Variants in OR52A5 observed in about 807,000 individuals in gnomAD.
OR52A5 encodes olfactory receptor family 52 subfamily A member 5.
A neutral mutation model predicts 18.2 loss-of-function variants in OR52A5; 16 were observed. The ratio of observed to expected loss-of-function variants is 0.88; its 90% CI spans 0.60 to 1.34. The LOEUF (loss-of-function observed/expected upper bound fraction) is 1.34. Ranked by LOEUF, OR52A5 falls within the 40% of genes most tolerant of loss-of-function variation. The pLI, the probability that OR52A5 is intolerant of heterozygous loss-of-function variation, is 0.00. For synonymous variants in OR52A5, 140 were observed against 137.2 expected, an observed-to-expected ratio of 1.02 and a Z score of -0.14; for missense variants, 418 against 383.0, an observed-to-expected ratio of 1.09 and a Z score of -0.76.
In OR52A5 at chr11:5,132,295, G is replaced by A. The variant is rs368509158; in HGVS notation, c.348C>T (p.Ile116=). ...AGCGATCCAGGGCCATTGCCAGAAGGATACCCGATTCAATTGCCTGGAATG... is the reference window on the plus strand; with the variant it reads ...AGCGATCCAGGGCCATTGCCAGAAGAATACCCGATTCAATTGCCTGGAATG... The part of the protein sequence containing the change: ...IHSFQAIESG[I]LLAMALDRYV... Residue 116 remains isoleucine, a synonymous_variant, in exon 2 of 2, where the codon ATC becomes ATT. Transcript: ENST00000307388. 2.5e-6 allele frequency: 4 copies of A among 1,614,020 alleles called. No homozygotes were observed. In the African/African-American group the frequency reaches 5.3e-5, roughly 22 times the overall value.
In OR52A5 at chr11:5,129,101, G is replaced by A. The variant is rs1430746827; in HGVS notation, c.*2591C>T. The A allele has an allele frequency of 6.6e-6, 1 of 152,272 alleles. No homozygotes were observed. Among genetic ancestry groups the A allele is most frequent in the Admixed American group, 6.6e-5 (1 of 15,264 alleles). 9.4% of individuals were successfully genotyped at this position (152,272 alleles called of 1,614,324 possible). A position where few individuals can be genotyped will look rare whatever the true frequency, so the allele number is the denominator to read the frequency against. On this transcript the variant is annotated 3_prime_UTR_variant, in exon 2 of 2. Coordinates refer to ENST00000307388, the MANE Select transcript of OR52A5 (RefSeq NM_001005160.3). Reference sequence around the variant, plus strand: ...AAAGACACTGACCTAGCTCCAGCTAGAGGATCATCAGCCACACAGCTATCC... The same window carrying A: ...AAAGACACTGACCTAGCTCCAGCTAAAGGATCATCAGCCACACAGCTATCC...
chr11:5,134,663 T>C (rs1377797933), intron 1 of OR52A5, among the ~76,000 whole-genome samples: 1 of 144,928 alleles, frequency 6.9e-6, no homozygotes, highest in South Asian at 2.1e-4. Flanking sequence ...TAAATATCAC[T>C]CAGTTAAAAT....
rs150178288 is a variant in OR52A5, at chr11:5,131,759, T to A, written c.884A>T (p.Tyr295Phe). 1 of 1,613,890 alleles carries A rather than the reference T, an allele frequency of 6.2e-7. No homozygotes were observed. The highest frequency in any genetic ancestry group is 8.5e-7 in the Non-Finnish European group (1 of 1,179,930). Residue 295 changes from tyrosine to phenylalanine, a missense_variant, in exon 2 of 2, where the codon TAT (tyrosine) becomes TTT (phenylalanine). Tyr to Phe is a conservative substitution (Grantham distance 22). Transcript: ENST00000307388. ...ACGAATTTGCTTGGTCTTCACTCCA[T>A]AGACAATAGGGTTGAGAAAAGGTGG... The part of the protein sequence containing the change: ...LVPPFLNPIV[Y>F]GVKTKQIRDH...
chr11:5,129,459 C>A lies in OR52A5; in HGVS notation c.*2233G>T, dbSNP rs1208984506. ...TTTAACTTAAGGCAATCCCTTCGAG[C>A]CCTCAAACAATTTATTCTTGGAATA... On this transcript the variant is annotated 3_prime_UTR_variant, in exon 2 of 2. Coordinates refer to ENST00000307388, the MANE Select transcript of OR52A5 (RefSeq NM_001005160.3). 6.6e-6 allele frequency: 1 copy of A among 152,012 alleles called. No individual in the cohort carries two copies. Among genetic ancestry groups the A allele is most frequent in the African/African-American group, 2.4e-5 (1 of 41,392 alleles). 9.4% of individuals were successfully genotyped at this position (152,012 alleles called of 1,614,324 possible).
In OR52A5 at chr11:5,132,527, A is replaced by G; in HGVS notation, c.116T>C (p.Ile39Thr). 1 of 1,613,988 alleles carries G rather than the reference A, an allele frequency of 6.2e-7. No individual in the cohort carries two copies. Among genetic ancestry groups the G allele is most frequent in the Non-Finnish European group, 8.5e-7 (1 of 1,179,860 alleles). ...AATTAGGGAATTTCCAATCACACCA[A>G]TAAGATACATGGCAGAGAAAGGAAT... ...IGIPFSAMYL[I>T]GVIGNSLILV... The change falls in exon 2 of 2, where the codon ATT becomes ACT. Residue 39 changes from isoleucine (I) to threonine (T), a missense_variant. Coordinates refer to ENST00000307388, the MANE Select transcript of OR52A5 (RefSeq NM_001005160.3).
At position 5,128,798 on chromosome 11, in the gene OR52A5, G is replaced by A. The variant is rs1333437701; in HGVS notation, c.*2894C>T. 1.3e-5 allele frequency: 2 copies of A among 152,046 alleles called. No homozygotes were observed. The highest frequency in any genetic ancestry group is 2.9e-5 in the Non-Finnish European group (2 of 67,984). The allele number at this position is 152,046 out of a possible 1,614,324, so 9.4% of individuals were successfully genotyped here. ...CATTGAAACAGAAAAGAGATTAGCA[G>A]TTGCTAAGACTGGAGATGGGGGGAG... is the stretch of plus-strand genomic sequence containing the variant. On this transcript the variant is annotated 3_prime_UTR_variant, in exon 2 of 2. Transcript: ENST00000307388.
chr11:5,134,664 C>A (rs1589861111), intron 1 of OR52A5, among the ~76,000 whole-genome samples: 1 of 151,434 alleles, frequency 6.6e-6, no homozygotes, highest in East Asian at 1.9e-4. Flanking sequence ...AAATATCACT[C>A]AGTTAAAATC....
In OR52A5 at chr11:5,130,572, C is replaced by T. The variant is rs1266589499; in HGVS notation, c.*1120G>A. Reference sequence around the variant, plus strand: ...ACTAACATGTTGTTTTATCTTTTGTCATGTATTTTTGATTCTTTCTAAATA... The same window carrying T: ...ACTAACATGTTGTTTTATCTTTTGTTATGTATTTTTGATTCTTTCTAAATA... On this transcript the variant is annotated 3_prime_UTR_variant, in exon 2 of 2. Coordinates refer to ENST00000307388, the MANE Select transcript of OR52A5 (RefSeq NM_001005160.3). 2 of 151,764 alleles carry T rather than the reference C, an allele frequency of 1.3e-5. No individual in the cohort carries two copies. The highest frequency in any genetic ancestry group is 6.6e-5 in the Admixed American group (1 of 15,242). The allele number at this position is 151,764 out of a possible 1,614,324, so 9.4% of individuals were successfully genotyped here. A position where few individuals can be genotyped will look rare whatever the true frequency, so the allele number is the denominator to read the frequency against.
chr11:5,137,215 TA>T (rs893583798), intron 1 of OR52A5, among the ~76,000 whole-genome samples: 47 of 152,302 alleles, frequency 3.1e-4, no homozygotes, highest in African/African-American at 1.1e-3. Context: ...TGCATATGTT[TA>T]AAGGAAGAAG....
chr11:5,137,291 A>G (rs775875626), intron 1 of OR52A5, among the ~76,000 whole-genome samples: 3 of 152,240 alleles, frequency 2.0e-5, no homozygotes, highest in Non-Finnish European at 4.4e-5. Flanking sequence ...TACATCTTGC[A>G]TGTGTGAATA....
Position 5,131,467 on chromosome 11 carries a change from A to T in OR52A5, c.*225T>A. 3.3e-6 allele frequency: 1 copy of T among 305,048 alleles called. No homozygotes were observed. Among genetic ancestry groups the T allele is most frequent in the Non-Finnish European group, 6.1e-6 (1 of 164,418 alleles). 18.9% of individuals were successfully genotyped at this position (305,048 alleles called of 1,614,324 possible). The stretch of plus-strand genomic sequence containing the variant: ...TAGATATCGGTATTACTGATTTCAT[A>T]TTATTTTTATATTGATAAGTATTTC... On this transcript the variant is annotated 3_prime_UTR_variant, in exon 2 of 2. Coordinates refer to ENST00000307388, the MANE Select transcript of OR52A5 (RefSeq NM_001005160.3).
chr11:5,136,443 T>A (rs1846393060), intron 1 of OR52A5, among the ~76,000 whole-genome samples: 1 of 152,208 alleles, frequency 6.6e-6, no homozygotes, highest in African/African-American at 2.4e-5. Context: ...CTCTGGCTCC[T>A]ATCCATTGAA....
intron 1 of OR52A5, among the ~76,000 whole-genome samples, chr11:5,137,464 T>C (rs1846402124): frequency 6.6e-6 from 1 of 152,070 alleles, no homozygotes; most frequent in South Asian, 2.1e-4. Context: ...AAAGTTACCA[T>C]TTGATCTCTG....
At chr11:5,137,757 A>G (rs1409221553) in intron 1 of OR52A5, among the ~76,000 whole-genome samples, 1 of 152,232 alleles carries the variant, frequency 6.6e-6, no homozygotes, top group African/African-American at 2.4e-5. Flanking sequence ...CCCTTGAGCC[A>G]GTTGTGAAAT....
At position 5,131,950 on chromosome 11, in the gene OR52A5, C is replaced by A. The variant is rs777854699; in HGVS notation, c.693G>T (p.Leu231=). ...CCTTGAATCGTGCCTCCTTCTGGGG[C>A]AGCTGAAAGACAGTGATAAAAATTT... The part of the protein sequence containing the change: ...YVQIFITVFQ[L]PQKEARFKAF... Residue 231 remains leucine (L), a synonymous_variant, in exon 2 of 2, where the codon CTG becomes CTT. Coordinates refer to ENST00000307388, the MANE Select transcript of OR52A5 (RefSeq NM_001005160.3). 3 of 1,614,158 alleles carry A rather than the reference C, an allele frequency of 1.9e-6. No homozygotes were observed. The highest frequency in any genetic ancestry group is 2.2e-5 in the East Asian group (1 of 44,880).
intron 1 of OR52A5, among the ~76,000 whole-genome samples, chr11:5,134,783 T>C (rs1171624675): frequency 6.6e-6 from 1 of 151,954 alleles, no homozygotes; most frequent in East Asian, 1.9e-4. Context: ...GTCTAGAACT[T>C]GTTATAAGTA....
chr11:5,129,511 C>A lies in OR52A5; in HGVS notation c.*2181G>T, dbSNP rs1846314890. ...ATTTCTCTTTTTAAGATGTTCATTG[C>A]ATCATAGTCAGGGCATATCAGTCTG... On this transcript the variant is annotated 3_prime_UTR_variant, in exon 2 of 2. Coordinates refer to ENST00000307388, the MANE Select transcript of OR52A5 (RefSeq NM_001005160.3). The A allele has an allele frequency of 6.6e-6, 1 of 152,028 alleles. No homozygotes were observed. The highest frequency in any genetic ancestry group is 1.5e-5 in the Non-Finnish European group (1 of 67,998). The allele number at this position is 152,028 out of a possible 1,614,324, so 9.4% of individuals were successfully genotyped here. A position where few individuals can be genotyped will look rare whatever the true frequency, so the allele number is the denominator to read the frequency against.
In OR52A5 at chr11:5,130,219, C is replaced by T. The variant is rs1271808871; in HGVS notation, c.*1473G>A. ...TTATATAATTTGGTGCATTTTTATA[C>T]CAGATACTTTGAAATACAGTTTTTT... On this transcript the variant is annotated 3_prime_UTR_variant, in exon 2 of 2. Coordinates refer to ENST00000307388, the MANE Select transcript of OR52A5 (RefSeq NM_001005160.3). 1 of 151,766 alleles carries T rather than the reference C, an allele frequency of 6.6e-6. No individual in the cohort carries two copies. Among genetic ancestry groups the T allele is most frequent in the African/African-American group, 2.4e-5 (1 of 41,316 alleles). The allele number at this position is 151,766 out of a possible 1,614,324, so 9.4% of individuals were successfully genotyped here. A position where few individuals can be genotyped will look rare whatever the true frequency, so the allele number is the denominator to read the frequency against.
intron 1 of OR52A5, 57 bp from the exon 2 acceptor site, chr11:5,132,759 T>G (rs1846354528): frequency 1.6e-6 from 1 of 624,038 alleles, no homozygotes; most frequent in East Asian, 2.8e-5. Flanking sequence ...TATACTGTAG[T>G]TATTTTAGGA....
Sources: gnomAD v4.1 joint callset for allele counts (sites outside exome capture counted in the v4.1 genomes callset) on GRCh38, gnomAD v4.1.1 for gene constraint, MANE v1.5 for transcripts, NCBI Gene and HGNC (gene_info 2026-07-23, HGNC 2026-07-21) for gene names.